The following VPS35 variants were observed in gnomAD, a reference collection of about 807,000 sequenced individuals.
The protein encoded by VPS35 is VPS35 retromer complex component.
A neutral mutation model predicts 98.1 loss-of-function variants in VPS35; 21 were observed. The observed-to-expected ratio is 0.21, with a 90% confidence interval of 0.15 to 0.31. VPS35 has a LOEUF of 0.31. Among genes scored for constraint, VPS35 ranks in the 10% least tolerant of loss-of-function variants. VPS35 has a pLI of 1.00. For synonymous variants in VPS35, 268 were observed against 318.2 expected (o/e 0.84, Z 1.68); for missense variants, 554 against 950.8 (o/e 0.58, Z 5.49).
Position 46,680,739 on chromosome 16 carries a change from A to T in VPS35, c.438T>A (p.Gly146=). The change falls in exon 5 of 17, where the codon GGT becomes GGA. Residue 146 remains glycine, a synonymous_variant. Transcript: ENST00000299138. ...MCRGVQHPLR[G]LFLRNYLLQC... The stretch of plus-strand genomic sequence containing the variant: ...GAAGAAGGTAATTTCGAAGAAACAG[A>T]CCCCTCAAGGGATGTTGCACACCAC... The T allele has an allele frequency of 6.2e-7, 1 of 1,613,964 alleles. No homozygotes were observed.
Position 46,680,675 on chromosome 16 carries a change from T to A in VPS35, c.502A>T (p.Thr168Ser). 1 of 1,613,802 alleles carries A rather than the reference T, an allele frequency of 6.2e-7. No homozygotes were observed. The highest frequency in any genetic ancestry group is 8.5e-7 in the Non-Finnish European group (1 of 1,179,820). Residue 168 changes from threonine (T) to serine (S), a missense_variant, in exon 5 of 17, where the codon ACA becomes TCA. Around this residue, in one of 5 missense-constraint regions of VPS35, gnomAD observed 77 missense variants for 222.3 expected, o/e 0.35. Coordinates refer to ENST00000299138, the MANE Select transcript of VPS35 (RefSeq NM_018206.6). ...TTAAGAAAGAAAATCACTTACTCTG[T>A]TGGCTCTCCTTCATCAGGTAAGATA... Reference protein sequence around the residue: ...RNILPDEGEPTDEETTGDISD... With the variant: ...RNILPDEGEPSDEETTGDISD...
In VPS35 at chr16:46,660,488, T is replaced by C; in HGVS notation, c.2375A>G (p.Glu792Gly). ...ATTTCCTTTTTAAAGGATGAGACCT[T>C]CATAAATTGGCCCCTCGGATTCTGG... ...ESPESEGPIY[E>G]GLIL Residue 792 changes from glutamate (E) to glycine (G), a missense_variant, in exon 17 of 17, where the codon GAA (glutamate) becomes GGA (glycine). By Grantham distance (98) the Glu-to-Gly change is moderately conservative. Coordinates refer to ENST00000299138, the MANE Select transcript of VPS35 (RefSeq NM_018206.6). The C allele has an allele frequency of 1.2e-6, 2 of 1,613,994 alleles. No homozygotes were observed. Among genetic ancestry groups the C allele is most frequent in the Non-Finnish European group, 8.5e-7 (1 of 1,180,004 alleles).
chr16:46,661,887 T>C lies in VPS35; in HGVS notation c.2068-26A>G. ...CTAAAATAAAAGGGCAGGGGGACAG[T>C]GAAGAGATTAATGAAACATCTCGTT... On this transcript the variant is annotated intron_variant, in intron 15 of 16. Coordinates refer to ENST00000299138, the MANE Select transcript of VPS35 (RefSeq NM_018206.6). The surrounding 1 kb of genome is among the most constrained non-coding windows in gnomAD (Gnocchi z 4.3). 2 of 1,613,972 alleles carry C rather than the reference T, an allele frequency of 1.2e-6. No individual in the cohort carries two copies. Among genetic ancestry groups the C allele is most frequent in the Non-Finnish European group, 1.7e-6 (2 of 1,179,976 alleles).
In VPS35 at chr16:46,677,268, A is replaced by G. The variant is rs150127053; in HGVS notation, c.804+47T>C. The G allele has an allele frequency of 5.6e-4, 860 of 1,533,458 alleles. 5 individuals are homozygous for G. The African/African-American group carries it at 0.01, about 18-fold the overall frequency. The allele number at this position is 1,533,458 out of a possible 1,614,324, so 95.0% of individuals were successfully genotyped here. A position where few individuals can be genotyped will look rare whatever the true frequency, so the allele number is the denominator to read the frequency against. On this transcript the variant is annotated intron_variant, in intron 7 of 16. Coordinates refer to ENST00000299138, the MANE Select transcript of VPS35 (RefSeq NM_018206.6). ...TTTTTCAAAACAATTAAATTTAATG[A>G]AAGATAAAATAGGTCGTTTAAAAAA...
rs1433946692 is a variant in VPS35 at position 46,671,764 on chromosome 16, T to C, written c.1465A>G (p.Ser489Gly). 7.4e-6 allele frequency: 12 copies of C among 1,614,148 alleles called. No homozygotes were observed. The highest frequency in any genetic ancestry group is 9.3e-6 in the Non-Finnish European group (11 of 1,180,018). The change falls in exon 12 of 17, where the codon AGC becomes GGC. Residue 489 changes from serine to glycine, a missense_variant. Physicochemically the swap from Ser to Gly is moderately conservative, Grantham distance 56. Transcript: ENST00000299138. Reference protein sequence around the residue: ...PDPEDFADEQSLVGRFIHLLR... With the variant: ...PDPEDFADEQGLVGRFIHLLR... ...AGATGAATGAAGCGGCCCACAAGGC[T>C]CTGCTCATCAGCAAAATCTTCTGGA... is the stretch of plus-strand genomic sequence containing the variant.
intron 12 of VPS35, among the ~76,000 whole-genome samples, chr16:46,669,542 C>G (rs1362535703): frequency 1.3e-5 from 2 of 151,808 alleles, no homozygotes; most frequent in Non-Finnish European, 2.9e-5. Flanking sequence ...TGGCGCACAC[C>G]CGTAATCTCA....
chr16:46,678,305 TAAAAAAAAAAAAAAAAAA>T (rs58288436), intron 6 of VPS35, among the ~76,000 whole-genome samples: 1 of 119,398 alleles, frequency 8.4e-6, no homozygotes, highest in Non-Finnish European at 1.8e-5. Context: ...TGATGAGCTT[TAAAAAAAAAAAAAAAAAA>T]AAAAAAAAAA....
chr16:46,661,851 C>A lies in VPS35; in HGVS notation c.2078G>T (p.Gly693Val). The change falls in exon 16 of 17, where the codon GGC (glycine) becomes GTC (valine). Residue 693 changes from glycine to valine, a missense_variant. This residue lies in a region of VPS35 where 153 missense variants were observed against 211.0 expected (regional missense o/e 0.73). Transcript: ENST00000299138. This position sits in a 1 kb window ranked among gnomAD's most constrained non-coding sequence, Gnocchi z 4.3. ...TDKNGEELHGGKRVMECLKKA... is the reference protein window; with the variant it reads ...TDKNGEELHGVKRVMECLKKA... ...TTTTAGGCACTCCATTACCCTCTTGCCTCCGTGAAGCTAAAATAAAAGGGC... is the reference window on the plus strand; with the variant it reads ...TTTTAGGCACTCCATTACCCTCTTGACTCCGTGAAGCTAAAATAAAAGGGC... 6.2e-7 allele frequency: 1 copy of A among 1,614,042 alleles called. No homozygotes were observed. The highest frequency in any genetic ancestry group is 8.5e-7 in the Non-Finnish European group (1 of 1,180,008).
intron 13 of VPS35, among the ~76,000 whole-genome samples, chr16:46,666,690 T>C (rs1244753537): frequency 1.3e-5 from 2 of 152,242 alleles, no homozygotes; most frequent in African/African-American, 4.8e-5. Flanking sequence ...TTTGGCTTAT[T>C]TCACTTAGAA....
intron 13 of VPS35, among the ~76,000 whole-genome samples, chr16:46,665,968 A>T (rs1320106964): frequency 6.6e-6 from 1 of 151,862 alleles, no homozygotes. Context: ...CAGTGGCGCG[A>T]TCTCAGCTTA....
chr16:46,676,596 C>T lies in VPS35; in HGVS notation c.901G>A (p.Ala301Thr), dbSNP rs1966156294. 1 of 1,605,572 alleles carries T rather than the reference C, an allele frequency of 6.2e-7. No homozygotes were observed. The highest frequency in any genetic ancestry group is 8.5e-7 in the Non-Finnish European group (1 of 1,173,930). Reference sequence around the variant, plus strand: ...GGAAGGTCTTACCTATCAATTAAAGCAATGATTATGTTCTTCACATTTACA... The same window carrying T: ...GGAAGGTCTTACCTATCAATTAAAGTAATGATTATGTTCTTCACATTTACA... ...QNVNVKNIII[A>T]LIDRLALFAH... The change falls in exon 8 of 17, where the codon GCT (alanine) becomes ACT (threonine). Residue 301 changes from alanine to threonine, a missense_variant. This residue lies in a region of VPS35 where 254 missense variants were observed against 390.1 expected (regional missense o/e 0.65). Transcript: ENST00000299138.
chr16:46,680,628 T>A, intron 5 of VPS35, 43 bp downstream of exon 5: 1 of 1,596,406 alleles, frequency 6.3e-7, no homozygotes. Context: ...CATTCTACAA[T>A]GAAAGAAATA....
intron 13 of VPS35, among the ~76,000 whole-genome samples, chr16:46,667,333 G>T (rs1469788585): frequency 6.6e-6 from 1 of 152,010 alleles, no homozygotes; most frequent in Non-Finnish European, 1.5e-5. Flanking sequence ...CTATTGAGTT[G>T]CATTCCATAT....
In VPS35 at chr16:46,661,911, T is replaced by C; in HGVS notation, c.2068-50A>G. ...GTGAAGAGATTAATGAAACATCTCG[T>C]TTTCATACAAAGAAACACAACACTA... is the stretch of plus-strand genomic sequence containing the variant. On this transcript the variant is annotated intron_variant, in intron 15 of 16. Transcript: ENST00000299138. This position sits in a 1 kb window ranked among gnomAD's most constrained non-coding sequence, Gnocchi z 4.3. 1 of 1,611,926 alleles carries C rather than the reference T, an allele frequency of 6.2e-7. No homozygotes were observed. Among genetic ancestry groups the C allele is most frequent in the Non-Finnish European group, 8.5e-7 (1 of 1,178,624 alleles).
At chr16:46,688,261 T>C (rs1225122670) in intron 1 of VPS35, 1 of 979,484 alleles carries the variant, frequency 1.0e-6, no homozygotes, top group Non-Finnish European at 1.2e-6. Context: ...AAAAAATTTA[T>C]TTACACAGTG....
At position 46,672,418 on chromosome 16, in the gene VPS35, T is replaced by G. The variant is rs921461041; in HGVS notation, c.1215A>C (p.Pro405=). 7 of 1,613,444 alleles carry G rather than the reference T, an allele frequency of 4.3e-6. No homozygotes were observed. The highest frequency in any genetic ancestry group is 5.9e-6 in the Non-Finnish European group (7 of 1,179,882). Reference sequence around the variant, plus strand: ...TTAAAATATTGTTGTAAGTGTCAACTGGTATTTTCAAAAGTCTGGTGAGTT... The same window carrying G: ...TTAAAATATTGTTGTAAGTGTCAACGGGTATTTTCAAAAGTCTGGTGAGTT... ...SKELTRLLKI[P]VDTYNNILTV... is the part of the protein sequence containing the mutation. The change falls in exon 11 of 17, where the codon CCA becomes CCC. Residue 405 remains proline, a synonymous_variant. Coordinates refer to ENST00000299138, the MANE Select transcript of VPS35 (RefSeq NM_018206.6).
rs1360774503 is a variant in VPS35, at chr16:46,675,484, A to G, written c.915-824T>C. On this transcript the variant is annotated intron_variant, in intron 8 of 16. Transcript: ENST00000299138. ...GCTATGCCCAGAAGCATCACTACTG[A>G]CAGAGATGTGTAAGTGACATTACAG... is the stretch of plus-strand genomic sequence containing the variant. Among the ~76,000 whole-genome samples the G allele has an allele frequency of 2.6e-5, 4 of 152,192 alleles. No individual in the cohort carries two copies. In the East Asian group the frequency reaches 7.7e-4, roughly 29 times the overall value.
At chr16:46,683,403 G>A (rs952007768) in intron 2 of VPS35, 105 bp downstream of exon 2, 40 of 1,068,196 alleles carry the variant, frequency 3.7e-5, no homozygotes, top group Non-Finnish European at 5.1e-5. Flanking sequence ...GCTGGTAAAC[G>A]GTGAAGATTA....
chr16:46,660,612 G>C lies in VPS35; in HGVS notation c.2251C>G (p.Arg751Gly). ...GATTCAAGATTCGGGAGGTCTTCTCGAATCTTTTGGATAAGCTGGTTTAAA... is the reference window on the plus strand; with the variant it reads ...GATTCAAGATTCGGGAGGTCTTCTCCAATCTTTTGGATAAGCTGGTTTAAA... ...QVLNQLIQKI[R>G]EDLPNLESSE... Residue 751 changes from arginine to glycine, a missense_variant, in exon 17 of 17, where the codon CGA becomes GGA. Around this residue, in one of 5 missense-constraint regions of VPS35, gnomAD observed 153 missense variants for 211.0 expected, o/e 0.73. Coordinates refer to ENST00000299138, the MANE Select transcript of VPS35 (RefSeq NM_018206.6). 1 of 1,613,928 alleles carries C rather than the reference G, an allele frequency of 6.2e-7. No homozygotes were observed. Among genetic ancestry groups the C allele is most frequent in the African/African-American group, 1.3e-5 (1 of 74,948 alleles).
Sources: allele counts gnomAD v4.1 joint callset (sites outside exome capture counted in the v4.1 genomes callset), GRCh38; gene constraint gnomAD v4.1.1; regional missense constraint gnomAD v4.1.1; non-coding constraint Gnocchi (gnomAD v3.1); transcripts MANE v1.5; gene names NCBI Gene and HGNC (gene_info 2026-07-23, HGNC 2026-07-21).